ASCC3: variants seen among roughly 807,000 people sequenced by gnomAD.
The protein encoded by ASCC3 is activating signal cointegrator 1 complex subunit 3.
Under a neutral mutation model 256.3 loss-of-function variants are expected in ASCC3, and 158 were observed. The ratio of observed to expected loss-of-function variants is 0.62; its 90% CI spans 0.54 to 0.70. The LOEUF (loss-of-function observed/expected upper bound fraction) is 0.70, where lower values mean the gene tolerates loss of function less well. Ranked by LOEUF, ASCC3 falls within the 30% of genes least tolerant of loss-of-function variation. The pLI, the probability that ASCC3 is intolerant of heterozygous loss-of-function variation, is 0.00. For missense variants in ASCC3, 2,259 were observed against 2,626.0 expected (o/e 0.86, Z 3.05); for synonymous variants, 948 against 883.4 (o/e 1.07, Z -1.30).
chr6:100,708,059 C>A (rs1437197582), intron 13 of ASCC3, among the ~76,000 whole-genome samples: 1 of 152,096 alleles, frequency 6.6e-6, no homozygotes, highest in African/African-American at 2.4e-5. Context: ...ATTGTAATAA[C>A]CTTCTCTTGA....
At chr6:100,580,330 A>C (rs1395048421) in intron 36 of ASCC3, among the ~76,000 whole-genome samples, 1 of 152,104 alleles carries the variant, frequency 6.6e-6, no homozygotes, top group Non-Finnish European at 1.5e-5. Flanking sequence ...CTCTAAAGGA[A>C]GAAAAGGTCC....
At chr6:100,877,545 CA>C (rs1410726625) in intron 1 of ASCC3, among the ~76,000 whole-genome samples, 1 of 152,086 alleles carries the variant, frequency 6.6e-6, no homozygotes, top group East Asian at 1.9e-4. Context: ...TATGCGATTT[CA>C]AAAGGGGGTG....
Position 100,508,317 on chromosome 6 carries a change from T to C in ASCC3, c.*1069A>G, listed in dbSNP as rs1243388173. 6.6e-6 allele frequency: 1 copy of C among 152,200 alleles called. No individual in the cohort carries two copies. The highest frequency in any genetic ancestry group is 1.5e-5 in the Non-Finnish European group (1 of 68,018). 9.4% of individuals were successfully genotyped at this position (152,200 alleles called of 1,614,324 possible). On this transcript the variant is annotated 3_prime_UTR_variant, in exon 42 of 42. Coordinates refer to ENST00000369162, the MANE Select transcript of ASCC3 (RefSeq NM_006828.4). ...GACATTGGAAAATGTTTTAAAATAA[T>C]TCATTTTAGGGCTAAGAAAACTGAA...
At chr6:100,806,016 C>G (rs1041684754) in intron 4 of ASCC3, 136 bp from the exon 5 acceptor site, 1 of 769,362 alleles carries the variant, frequency 1.3e-6, no homozygotes, top group Non-Finnish European at 2.0e-6. Context: ...AAAAATGGTA[C>G]CTTAAACTAA....
intron 16 of ASCC3, among the ~76,000 whole-genome samples, chr6:100,659,890 C>T (rs1776104677): frequency 6.6e-6 from 1 of 151,410 alleles, no homozygotes; most frequent in Non-Finnish European, 1.5e-5. Flanking sequence ...TTTCTTTCAC[C>T]TTACATACTA....
chr6:100,570,575 C>T (rs147149763), intron 36 of ASCC3, among the ~76,000 whole-genome samples: 5 of 150,950 alleles, frequency 3.3e-5, no homozygotes, highest in South Asian at 4.2e-4. Context: ...TGTTGTCACA[C>T]CTTCCCCTCC....
intron 11 of ASCC3, among the ~76,000 whole-genome samples, chr6:100,722,666 A>G (rs1779399526): frequency 6.6e-6 from 1 of 151,826 alleles, no homozygotes; most frequent in Non-Finnish European, 1.5e-5. Flanking sequence ...GAATAAAAAC[A>G]TAAATATACT....
chr6:100,545,244 C>G (rs1775657817), intron 36 of ASCC3, among the ~76,000 whole-genome samples: 1 of 152,182 alleles, frequency 6.6e-6, no homozygotes, highest in African/African-American at 2.4e-5. Flanking sequence ...GTGGCACCAT[C>G]TCGGTTCACC....
At chr6:100,531,553 T>G (rs1156891681) in intron 37 of ASCC3, among the ~76,000 whole-genome samples, 2 of 136,604 alleles carry the variant, frequency 1.5e-5, no homozygotes, top group Admixed American at 1.5e-4. Flanking sequence ...TGGAATGGTA[T>G]TTTGGTTTGG....
rs190505111 is a variant in ASCC3, at chr6:100,637,476, T to A, written c.4122+1125A>T. Among the ~76,000 whole-genome samples the A allele has an allele frequency of 3.3e-5, 5 of 152,288 alleles. No homozygotes were observed. In the East Asian group the frequency reaches 9.6e-4, roughly 29 times the overall value. On this transcript the variant is annotated intron_variant, in intron 25 of 41. Coordinates refer to ENST00000369162, the MANE Select transcript of ASCC3 (RefSeq NM_006828.4). The stretch of plus-strand genomic sequence containing the variant: ...TGTTTTCATGCCTGCTAACATAACA[T>A]CTATTCTGTACTCCAGGGATATAGG...
intron 33 of ASCC3, among the ~76,000 whole-genome samples, chr6:100,604,279 A>T (rs970440246): frequency 1.3e-5 from 2 of 152,190 alleles, no homozygotes; most frequent in South Asian, 2.1e-4. Context: ...AGACTAAAAA[A>T]TTTATCAATT....
At chr6:100,540,113 C>G in intron 37 of ASCC3, 50 bp downstream of exon 37, 1 of 1,505,226 alleles carries the variant, frequency 6.6e-7, no homozygotes. Context: ...AAAAAGAGGG[C>G]AGGAATGATG....
intron 4 of ASCC3, among the ~76,000 whole-genome samples, chr6:100,847,195 C>A (rs1312297026): frequency 6.6e-6 from 1 of 152,028 alleles, no homozygotes; most frequent in Non-Finnish European, 1.5e-5. Flanking sequence ...TTATAAATTT[C>A]AGTTTATTAT....
intron 1 of ASCC3, among the ~76,000 whole-genome samples, chr6:100,875,165 T>C (rs1773937037): frequency 6.6e-6 from 1 of 151,682 alleles, no homozygotes; most frequent in Non-Finnish European, 1.5e-5. Context: ...ACAGAGAGGA[T>C]AGAATTAAGC....
rs902633821 is a variant in ASCC3, at chr6:100,650,480, C to T, written c.3252+58G>A. 30 of 1,558,258 alleles carry T rather than the reference C, an allele frequency of 1.9e-5. No individual in the cohort carries two copies. In the African/African-American group the frequency reaches 2.0e-4, roughly 11 times the overall value. On this transcript the variant is annotated intron_variant, in intron 20 of 41. Coordinates refer to ENST00000369162, the MANE Select transcript of ASCC3 (RefSeq NM_006828.4). ...ATTCATAGCACAGCATGAATTAACA[C>T]CTTGGTCCTCTAAATATATTCAAGG...
chr6:100,608,124 A>ATG (rs1348113199), intron 30 of ASCC3, among the ~76,000 whole-genome samples: 23 of 124,192 alleles, frequency 1.9e-4, no homozygotes, highest in Non-Finnish European at 2.8e-4. Flanking sequence ...ATATCTATAT[A>ATG]TACATATATA....
chr6:100,659,894 C>T (rs1196888394), intron 16 of ASCC3, among the ~76,000 whole-genome samples: 1 of 151,662 alleles, frequency 6.6e-6, no homozygotes, highest in Non-Finnish European at 1.5e-5. Context: ...TTTCACCTTA[C>T]ATACTACATA....
rs566306488 is a variant in ASCC3 at position 100,661,787 on chromosome 6, T to G, written c.2703+19A>C. 2 of 1,607,786 alleles carry G rather than the reference T, an allele frequency of 1.2e-6. No individual in the cohort carries two copies. The highest frequency in any genetic ancestry group is 3.3e-5 in the Admixed American group (2 of 59,896). Reference sequence around the variant, plus strand: ...AAGGCTGATGATTCTATTCCAAACTTTTACTCATTAGATCTTACCTCTGCA... The same window carrying G: ...AAGGCTGATGATTCTATTCCAAACTGTTACTCATTAGATCTTACCTCTGCA... On this transcript the variant is annotated intron_variant, in intron 16 of 41. Transcript: ENST00000369162.
At chr6:100,754,760 A>G (rs1432538518) in intron 10 of ASCC3, among the ~76,000 whole-genome samples, 2 of 152,142 alleles carry the variant, frequency 1.3e-5, no homozygotes, top group Admixed American at 1.3e-4. Context: ...TGTAGCTCTC[A>G]TAATCCCCAT....
Sources: gnomAD v4.1 joint callset for allele counts (sites outside exome capture counted in the v4.1 genomes callset) on GRCh38, gnomAD v4.1.1 for gene constraint, MANE v1.5 for transcripts, NCBI Gene and HGNC (gene_info 2026-07-23, HGNC 2026-07-21) for gene names.